Variants in TTLL4 observed in about 807,000 individuals in gnomAD.
The protein encoded by TTLL4 is tubulin tyrosine ligase like 4.
TTLL4 carries 85 observed loss-of-function variants against 122.7 expected under a neutral mutation model. That is an observed-to-expected ratio of 0.69 (90% CI 0.58 to 0.83). The LOEUF (loss-of-function observed/expected upper bound fraction) is 0.83, where lower values mean the gene tolerates loss of function less well. Among genes scored for constraint, TTLL4 ranks in the 40% least tolerant of loss-of-function variants. TTLL4 has a pLI of 0.00. For missense variants in TTLL4, 1,363 were observed against 1,488.6 expected (o/e 0.92, Z 1.39); for synonymous variants, 553 against 563.0 (o/e 0.98, Z 0.25).
chr2:218,734,896 G>A (rs759738262), intron 2 of TTLL4, among the ~76,000 whole-genome samples: 23 of 152,148 alleles, frequency 1.5e-4, no homozygotes, highest in African/African-American at 5.3e-4. Context: ...ACAAACACAC[G>A]CTGTAATTGT....
intron 2 of TTLL4, among the ~76,000 whole-genome samples, chr2:218,734,112 T>A (rs1301549077): frequency 6.6e-6 from 1 of 152,192 alleles, no homozygotes; most frequent in African/African-American, 2.4e-5. Flanking sequence ...CTCAGACAGA[T>A]TTGAGTTTTA....
downstream of TTLL4, among the ~76,000 whole-genome samples, chr2:218,757,900 CTG>C (rs1415960598): frequency 6.6e-6 from 1 of 152,210 alleles, no homozygotes; most frequent in African/African-American, 2.4e-5. Flanking sequence ...TTACCTGTGA[CTG>C]TTGTTCGAAT....
chr2:218,745,325 T>C, intron 6 of TTLL4, 92 bp downstream of exon 6: 1 of 1,547,446 alleles, frequency 6.5e-7, no homozygotes, highest in Middle Eastern at 1.7e-4. Flanking sequence ...TAGGAGAGGG[T>C]TTCCAGAATG....
chr2:218,750,259 A>C (rs1942980237), intron 15 of TTLL4, 113 bp downstream of exon 15: 1 of 1,443,652 alleles, frequency 6.9e-7, no homozygotes, highest in African/African-American at 1.4e-5. Flanking sequence ...CTTGCTGCTC[A>C]ATCTTGCCCC....
At position 218,745,500 on chromosome 2, in the gene TTLL4, TTTG is replaced by T. The variant is rs1312479749; in HGVS notation, c.1787-188_1787-186del. 7.8e-6 allele frequency: 5 copies of T among 637,284 alleles called. No individual in the cohort carries two copies. In the Admixed American group the frequency reaches 1.5e-4, roughly 19 times the overall value. 39.5% of individuals were successfully genotyped at this position (637,284 alleles called of 1,614,324 possible). A position where few individuals can be genotyped will look rare whatever the true frequency, so the allele number is the denominator to read the frequency against. On this transcript the variant is annotated intron_variant, in intron 6 of 19. Coordinates refer to ENST00000392102, the MANE Select transcript of TTLL4 (RefSeq NM_014640.5). ...CTTTTCCCTTTCAGTCTTCCCTTTC[TTTG>T]TTCCTCATTCCTGCACAGCCCCTCT...
In TTLL4 at chr2:218,737,848, A is replaced by G; in HGVS notation, c.172A>G (p.Lys58Glu). ...QVKPIWKLEK[K>E]QVETLSAGLG... ...GAAGCCAATCTGGAAGCTGGAAAAGAAGCAAGTGGAGACACTGTCAGCAGG... is the reference window on the plus strand; with the variant it reads ...GAAGCCAATCTGGAAGCTGGAAAAGGAGCAAGTGGAGACACTGTCAGCAGG... The change falls in exon 3 of 20, where the codon AAG becomes GAG. Residue 58 changes from lysine (K) to glutamate (E), a missense_variant. By Grantham distance (56) the Lys-to-Glu change is moderately conservative (BLOSUM62 1). Coordinates refer to ENST00000392102, the MANE Select transcript of TTLL4 (RefSeq NM_014640.5). 1 of 1,614,240 alleles carries G rather than the reference A, an allele frequency of 6.2e-7. No individual in the cohort carries two copies. Among genetic ancestry groups the G allele is most frequent in the South Asian group, 1.1e-5 (1 of 91,090 alleles).
chr2:218,751,600 C>A, intron 15 of TTLL4, 104 bp from the exon 16 acceptor site: 1 of 1,431,288 alleles, frequency 7.0e-7, no homozygotes. Flanking sequence ...ACATCTTTGT[C>A]TTCTCTCAAG....
intron 8 of TTLL4, 148 bp downstream of exon 8, chr2:218,746,379 G>A: frequency 2.6e-6 from 2 of 775,234 alleles, no homozygotes; most frequent in Non-Finnish European, 4.2e-6. Flanking sequence ...TACAGGACGG[G>A]GGTACAGTGA....
At chr2:218,739,235 C>G in intron 3 of TTLL4, 72 bp downstream of exon 3, 1 of 1,498,668 alleles carries the variant, frequency 6.7e-7, no homozygotes, top group Non-Finnish European at 8.9e-7. Context: ...TGGCACCGAC[C>G]CTGTACCTCT....
chr2:218,715,343 A>G (rs1941826553), intron 1 of TTLL4, among the ~76,000 whole-genome samples: 1 of 152,236 alleles, frequency 6.6e-6, no homozygotes, highest in African/African-American at 2.4e-5. Context: ...TGTAAAGGCT[A>G]GTTACAGTGT....
At chr2:218,735,109 AAG>A (rs1015917824) in intron 2 of TTLL4, among the ~76,000 whole-genome samples, 23 of 152,276 alleles carry the variant, frequency 1.5e-4, no homozygotes, top group African/African-American at 5.5e-4. Context: ...TTTGCAGGTA[AAG>A]AGGGCGATAT....
downstream of TTLL4, chr2:218,755,500 T>G (rs3821035): frequency 0.5 from 75,538 of 151,938 alleles, 19,514 homozygotes; most frequent in African/African-American, 0.61. Context: ...CTCATCTAGG[T>G]ATGAGAAAGT....
Position 218,745,734 on chromosome 2 carries a change from G to A in TTLL4, c.1830G>A (p.Lys610=). 6.2e-7 allele frequency: 1 copy of A among 1,613,464 alleles called. No individual in the cohort carries two copies. The highest frequency in any genetic ancestry group is 8.5e-7 in the Non-Finnish European group (1 of 1,179,816). The stretch of plus-strand genomic sequence containing the variant: ...AACAGAGGAAGTTGCTCCGATGGAA[G>A]ATGAGCACAGTGACCCCCAACATTG... ...PWEQRKLLRW[K]MSTVTPNIVK... Residue 610 remains lysine, a synonymous_variant, in exon 7 of 20, where the codon AAG becomes AAA. Coordinates refer to ENST00000392102, the MANE Select transcript of TTLL4 (RefSeq NM_014640.5).
rs758106767 is a variant in TTLL4 at position 218,745,277 on chromosome 2, G to A, written c.1786+44G>A. ...CAAAGCCCAGAAGAGCCCCCGGGGA[G>A]AAGGTTGCTAGCTAAGTTGGGAGGA... On this transcript the variant is annotated intron_variant, in intron 6 of 19. Transcript: ENST00000392102. 50 of 1,611,114 alleles carry A rather than the reference G, an allele frequency of 3.1e-5. No individual in the cohort carries two copies. The Middle Eastern group carries it at 6.6e-4, about 21-fold the overall frequency.
intron 1 of TTLL4, among the ~76,000 whole-genome samples, chr2:218,713,666 A>T (rs2106382029): frequency 6.6e-6 from 1 of 152,348 alleles, no homozygotes; most frequent in African/African-American, 2.4e-5. Flanking sequence ...AATATGTTCC[A>T]GGAAAACCAC....
chr2:218,752,723 C>T, intron 16 of TTLL4, 40 bp from the exon 17 acceptor site: 1 of 1,609,320 alleles, frequency 6.2e-7, no homozygotes. Flanking sequence ...CTGGCTTACA[C>T]TCTCTCACAC....
At chr2:218,759,103 G>T (rs547976417), downstream of TTLL4, among the ~76,000 whole-genome samples, 2 of 152,056 alleles carry the variant, frequency 1.3e-5, no homozygotes, top group East Asian at 2.0e-4. Flanking sequence ...CATTAGCTGG[G>T]CATGGTGGTG....
chr2:218,757,597 T>C (rs190520760), downstream of TTLL4, among the ~76,000 whole-genome samples: 1 of 152,276 alleles, frequency 6.6e-6, no homozygotes, highest in Non-Finnish European at 1.5e-5. Flanking sequence ...AGCAGATATA[T>C]GGACCTAACA....
chr2:218,750,937 T>C (rs926038350), intron 15 of TTLL4, among the ~76,000 whole-genome samples: 1 of 152,134 alleles, frequency 6.6e-6, no homozygotes, highest in African/African-American at 2.4e-5. Flanking sequence ...TTATATTTAC[T>C]TAGTACCTGA....
Sources: allele counts gnomAD v4.1 joint callset (sites outside exome capture counted in the v4.1 genomes callset), GRCh38; gene constraint gnomAD v4.1.1; transcripts MANE v1.5; gene names NCBI Gene and HGNC (gene_info 2026-07-23, HGNC 2026-07-21).